ARFGEF1: variants seen among roughly 807,000 people sequenced by gnomAD.
ARFGEF1 encodes the protein ARF guanine nucleotide exchange factor 1.
A neutral mutation model predicts 231.0 loss-of-function variants in ARFGEF1; 42 were observed. The observed-to-expected ratio is 0.18, with a 90% CI of 0.14 to 0.24. ARFGEF1 has a LOEUF of 0.24. Among genes scored for constraint, ARFGEF1 ranks in the 10% least tolerant of loss-of-function variants. The probability of loss-of-function intolerance (pLI) is 1.00; values close to 1 mark genes in which losing one functional copy is unlikely to be tolerated. For synonymous variants in ARFGEF1, 710 were observed against 732.3 expected, an observed-to-expected ratio of 0.97 and a Z score of 0.49; for missense variants, 1,345 against 2,192.0, an observed-to-expected ratio of 0.61 and a Z score of 7.72.
intron 19 of ARFGEF1, among the ~76,000 whole-genome samples, chr8:67,242,007 G>A (rs957099430): frequency 6.6e-6 from 1 of 152,216 alleles, no homozygotes; most frequent in South Asian, 2.1e-4. Context: ...CCCACCCACA[G>A]AGGAAGCATT....
At chr8:67,341,197 G>A (rs1420262856) in intron 1 of ARFGEF1, among the ~76,000 whole-genome samples, 1 of 152,064 alleles carries the variant, frequency 6.6e-6, no homozygotes, top group Non-Finnish European at 1.5e-5. Context: ...TTTGGAGAAG[G>A]AAAATATATA....
Position 67,198,652 on chromosome 8 carries a change from T to C in ARFGEF1, c.*282A>G, listed in dbSNP as rs1268231039. On this transcript the variant is annotated 3_prime_UTR_variant, in exon 39 of 39. Coordinates refer to ENST00000262215, the MANE Select transcript of ARFGEF1 (RefSeq NM_006421.5). ...TTCACTTCCACACCTGCCAAAAACG[T>C]GGGGCTTTTCCTGCCGTGGAAGACA... 67 of 1,134,258 alleles carry C rather than the reference T, an allele frequency of 5.9e-5. No homozygotes were observed. Among genetic ancestry groups the C allele is most frequent in the Non-Finnish European group, 7.0e-5 (65 of 925,124 alleles). 70.3% of individuals were successfully genotyped at this position (1,134,258 alleles called of 1,614,324 possible). A position where few individuals can be genotyped will look rare whatever the true frequency, so the allele number is the denominator to read the frequency against.
At position 67,203,159 on chromosome 8, in the gene ARFGEF1, G is replaced by T; in HGVS notation, c.5052C>A (p.Asp1684Glu). The change falls in exon 36 of 39, where the codon GAC (aspartate) becomes GAA (glutamate). Residue 1684 changes from aspartate to glutamate, a missense_variant. By Grantham distance (45) the Asp-to-Glu change is conservative. Around this residue, in one of 14 missense-constraint regions of ARFGEF1, gnomAD observed 161 missense variants for 284.9 expected, o/e 0.57. Transcript: ENST00000262215. ...CAAATCTATGTGACTCTAATAAGCA[G>T]TCCAGTAGCTTAAAAAGTTGTTGTG... is the stretch of plus-strand genomic sequence containing the variant. ...LTSQQLFKLL[D>E]CLLESHRFAK... The T allele has an allele frequency of 6.2e-7, 1 of 1,614,192 alleles. No individual in the cohort carries two copies. Among genetic ancestry groups the T allele is most frequent in the Non-Finnish European group, 8.5e-7 (1 of 1,180,026 alleles).
At chr8:67,316,593 T>C (rs1807328507) in intron 1 of ARFGEF1, among the ~76,000 whole-genome samples, 1 of 152,046 alleles carries the variant, frequency 6.6e-6, no homozygotes, top group South Asian at 2.1e-4. Context: ...CCCAAGTAGC[T>C]AGGACACAGG....
intron 1 of ARFGEF1, among the ~76,000 whole-genome samples, chr8:67,320,507 T>G (rs1807536629): frequency 6.6e-6 from 1 of 152,196 alleles, no homozygotes; most frequent in Non-Finnish European, 1.5e-5. Flanking sequence ...CTCCTGGGTA[T>G]CTACCCTAGA....
chr8:67,236,365 A>AAAATATAT (rs1554638966), intron 22 of ARFGEF1, among the ~76,000 whole-genome samples: 1 of 29,062 alleles, frequency 3.4e-5, no homozygotes, highest in African/African-American at 1.3e-4. Context: ...AAAAAAAAAA[A>AAAATATAT]ATATATATAT....
At chr8:67,187,969 G>A (rs1835134111) in intron 5 of ARFGEF1, among the ~76,000 whole-genome samples, 1 of 152,178 alleles carries the variant, frequency 6.6e-6, no homozygotes, top group Non-Finnish European at 1.5e-5. Flanking sequence ...CTTGGGTATG[G>A]TGATGACTTT....
chr8:67,260,426 G>C (rs969022411), intron 14 of ARFGEF1, among the ~76,000 whole-genome samples: 1 of 152,068 alleles, frequency 6.6e-6, no homozygotes, highest in Admixed American at 6.5e-5. Context: ...GTCACATTTT[G>C]GTAATTCTCA....
intron 5 of ARFGEF1, among the ~76,000 whole-genome samples, chr8:67,294,227 T>G (rs1430547112): frequency 6.6e-6 from 1 of 152,126 alleles, no homozygotes; most frequent in Admixed American, 6.6e-5. Flanking sequence ...GACTTGAGTA[T>G]CCACAGATTT....
chr8:67,340,956 G>A (rs1042990663), intron 1 of ARFGEF1, among the ~76,000 whole-genome samples: 3 of 152,168 alleles, frequency 2.0e-5, no homozygotes, highest in African/African-American at 7.2e-5. Context: ...GCTCATGAGT[G>A]GTAGGGAATA....
At chr8:67,191,091 C>T (rs1351533002) in intron 5 of ARFGEF1, among the ~76,000 whole-genome samples, 2 of 152,196 alleles carry the variant, frequency 1.3e-5, no homozygotes, top group African/African-American at 4.8e-5. Flanking sequence ...TTCATAATAA[C>T]CTAATTCTGT....
intron 15 of ARFGEF1, among the ~76,000 whole-genome samples, chr8:67,258,802 T>C (rs1347299015): frequency 6.9e-6 from 1 of 144,224 alleles, no homozygotes; most frequent in Non-Finnish European, 1.5e-5. Flanking sequence ...GTTTAGAAAA[T>C]TTAAAAAGCA....
At chr8:67,226,653 C>T (rs1253717517) in intron 27 of ARFGEF1, among the ~76,000 whole-genome samples, 10 of 152,196 alleles carry the variant, frequency 6.6e-5, no homozygotes, top group Middle Eastern at 3.4e-3. Flanking sequence ...TCATCATTGT[C>T]ATCTTCCATA....
chr8:67,231,719 GTATGCATGCT>G lies in ARFGEF1; in HGVS notation c.3380+1126_3380+1135del, dbSNP rs529739887. Reference sequence around the variant, plus strand: ...GCAGGCTGAAAGGTGGAGAGGTTAAGTATGCATGCTTATTACACAAGCCTAGTTGTGGGAA... The same window carrying G: ...GCAGGCTGAAAGGTGGAGAGGTTAAGTATTACACAAGCCTAGTTGTGGGAA... On this transcript the variant is annotated intron_variant, in intron 23 of 38. Transcript: ENST00000262215. Among the ~76,000 whole-genome samples the G allele has an allele frequency of 1.8e-4, 27 of 152,142 alleles. No homozygotes were observed. The East Asian group carries it at 5.2e-3, about 29-fold the overall frequency.
intron 5 of ARFGEF1, among the ~76,000 whole-genome samples, chr8:67,190,117 A>G (rs1835802471): frequency 6.6e-6 from 1 of 152,258 alleles, no homozygotes; most frequent in East Asian, 1.9e-4. Flanking sequence ...TCCACACACA[A>G]AAACTTGAAT....
intron 6 of ARFGEF1, among the ~76,000 whole-genome samples, chr8:67,289,481 G>C (rs1000448344): frequency 1.4e-5 from 2 of 146,276 alleles, no homozygotes; most frequent in Non-Finnish European, 3.0e-5. Flanking sequence ...TTGCGCCTGG[G>C]AGGCAGGCAA....
At chr8:67,311,431 C>G (rs575362914) in intron 1 of ARFGEF1, among the ~76,000 whole-genome samples, 2 of 134,844 alleles carry the variant, frequency 1.5e-5, no homozygotes, top group Admixed American at 7.2e-5. Flanking sequence ...GTCAGCCCCC[C>G]GCCCGGCCAG....
chr8:67,331,702 T>G (rs13269714), intron 1 of ARFGEF1, among the ~76,000 whole-genome samples: 2 of 152,104 alleles, frequency 1.3e-5, no homozygotes, highest in African/African-American at 2.4e-5. Flanking sequence ...TAAAGAGGAA[T>G]TTTTATGTCT....
intron 7 of ARFGEF1, 81 bp from the exon 8 acceptor site, chr8:67,277,538 G>GAAAC: frequency 7.6e-7 from 1 of 1,322,082 alleles, no homozygotes; most frequent in Non-Finnish European, 1.0e-6. Context: ...TATTTAAAAT[G>GAAAC]AAACAGTGGC....
Sources: allele counts gnomAD v4.1 joint callset (sites outside exome capture counted in the v4.1 genomes callset), GRCh38; gene constraint gnomAD v4.1.1; regional missense constraint gnomAD v4.1.1; transcripts MANE v1.5; gene names NCBI Gene and HGNC (gene_info 2026-07-23, HGNC 2026-07-21).